The following BUD13 variants were observed in gnomAD, a reference collection of about 807,000 sequenced individuals.
BUD13 encodes the protein BUD13 homolog.
In BUD13, 47 loss-of-function variants were observed where a neutral mutation model predicts 62.5. That is an observed-to-expected ratio of 0.75 (90% CI 0.60 to 0.96). The LOEUF is 0.96. BUD13 is among the 40% of genes least tolerant of loss of function. The pLI, the probability that BUD13 is intolerant of heterozygous loss-of-function variation, is 0.00. For synonymous variants in BUD13, 293 were observed against 280.1 expected, an observed-to-expected ratio of 1.05 and a Z score of -0.46; for missense variants, 821 against 790.9, an observed-to-expected ratio of 1.04 and a Z score of -0.46.
rs376363328 is a variant in BUD13, at chr11:116,765,392, G to A, written c.292C>T (p.Arg98Cys). Residue 98 changes from arginine to cysteine, a missense_variant, in exon 3 of 10, where the codon CGT (arginine) becomes TGT (cysteine). Arg to Cys is a radical substitution (Grantham distance 180). Transcript: ENST00000260210. ...PEEVKQMEAF[R>C]SSAKWKLLGG... ...AGAAGCTTCCATTTGGCACTGGAACGAAAGGCCTCCATCTGCTTTACCTCT... is the reference window on the plus strand; with the variant it reads ...AGAAGCTTCCATTTGGCACTGGAACAAAAGGCCTCCATCTGCTTTACCTCT... 47 of 1,613,956 alleles carry A rather than the reference G, an allele frequency of 2.9e-5. No individual in the cohort carries two copies. The East Asian group carries it at 3.3e-4, about 11-fold the overall frequency.
chr11:116,755,025 A>G (rs1025872213), intron 9 of BUD13, among the ~76,000 whole-genome samples: 2 of 152,350 alleles, frequency 1.3e-5, no homozygotes, highest in East Asian at 1.9e-4. Context: ...AAAAGCTGCC[A>G]ATATAGAAAC....
rs1461314092 is a variant in BUD13, at chr11:116,767,585, T to A, written c.238-2139A>T. ...TCCAGCCTGGGCAACAGAGTGAGAC[T>A]CCACCAAAAAAAAAAAAAAAAAAAA... On this transcript the variant is annotated intron_variant, in intron 2 of 9. Coordinates refer to ENST00000260210, the MANE Select transcript of BUD13 (RefSeq NM_032725.4). Among the ~76,000 whole-genome samples, 8 of 72,122 alleles carry A rather than the reference T, an allele frequency of 1.1e-4. No homozygotes were observed. In the East Asian group the frequency reaches 1.6e-3, roughly 15 times the overall value. The allele number at this position is 72,122 out of a possible 152,430, so 47.3% of individuals were successfully genotyped here.
intron 1 of BUD13, 57 bp downstream of exon 1, chr11:116,772,765 G>C: frequency 2.1e-6 from 3 of 1,453,198 alleles, no homozygotes; most frequent in Non-Finnish European, 2.7e-6. Flanking sequence ...GCCGAGGGCG[G>C]AGTTGGGAAG....
chr11:116,750,975 T>C (rs1219862564), intron 9 of BUD13, among the ~76,000 whole-genome samples: 1 of 152,206 alleles, frequency 6.6e-6, no homozygotes, highest in African/African-American at 2.4e-5. Context: ...TAGGACCCTC[T>C]TCCTTTAATA....
rs115042986 is a variant in BUD13 at position 116,771,570 on chromosome 11, G to A, written c.143+1252C>T. On this transcript the variant is annotated intron_variant, in intron 1 of 9. Transcript: ENST00000260210. ...TTAAAGATAAGGAAACTGCAGCTCA[G>A]TGAGATGAAACACCTTGCCCAAGGG... 3.7e-3 allele frequency among the ~76,000 whole-genome samples: 571 copies of A among 152,300 alleles called. 2 individuals are homozygous for A. The highest frequency in any genetic ancestry group is 0.013 in the African/African-American group (553 of 41,564).
Position 116,757,174 on chromosome 11 carries a change from G to A in BUD13, c.1738C>T (p.Pro580Ser). 1 of 1,614,146 alleles carries A rather than the reference G, an allele frequency of 6.2e-7. No individual in the cohort carries two copies. Among genetic ancestry groups the A allele is most frequent in the Non-Finnish European group, 8.5e-7 (1 of 1,179,998 alleles). Residue 580 changes from proline (P) to serine (S), a missense_variant, in exon 9 of 10, where the codon CCT becomes TCT. This residue lies in a region of BUD13 where 800 missense variants were observed against 739.2 expected (regional missense o/e 1.08). Coordinates refer to ENST00000260210, the MANE Select transcript of BUD13 (RefSeq NM_032725.4). ...APPPNRFNIWPGYRWDGVDRS... is the reference protein window; with the variant it reads ...APPPNRFNIWSGYRWDGVDRS... ...TCCACTCCGTCCCAGCGATATCCAG[G>A]CCAGATATTAAATCTGTTGGGAGGA... is the stretch of plus-strand genomic sequence containing the variant.
chr11:116,762,712 T>C lies in BUD13; in HGVS notation c.877A>G (p.Arg293Gly), dbSNP rs1389749849. The change falls in exon 4 of 10, where the codon AGA (arginine) becomes GGA (glycine). Residue 293 changes from arginine to glycine, a missense_variant. Arg to Gly is a moderately radical substitution (Grantham distance 125). Coordinates refer to ENST00000260210, the MANE Select transcript of BUD13 (RefSeq NM_032725.4). ...PRTKSGKAPERASSKTSPHWK... is the reference protein window; with the variant it reads ...PRTKSGKAPEGASSKTSPHWK... ...TGTGGAGAAGTCTTGCTAGAGGCTC[T>C]TTCTGGGGCTTTACCACTTTTGGTT... is the stretch of plus-strand genomic sequence containing the variant. 2 of 1,614,214 alleles carry C rather than the reference T, an allele frequency of 1.2e-6. No homozygotes were observed.
At chr11:116,758,171 C>A in intron 7 of BUD13, 98 bp downstream of exon 7, 2 of 1,539,686 alleles carry the variant, frequency 1.3e-6, no homozygotes, top group Admixed American at 1.9e-5. Context: ...CTGATAACAG[C>A]TCTGAAGGCA....
chr11:116,757,551 C>G (rs1380696731), intron 8 of BUD13, among the ~76,000 whole-genome samples: 1 of 151,892 alleles, frequency 6.6e-6, no homozygotes, highest in East Asian at 1.9e-4. Context: ...CCACCCACCT[C>G]GGCCTCCCGA....
At position 116,748,469 on chromosome 11, in the gene BUD13, A is replaced by T. The variant is rs1390288985; in HGVS notation, c.*13T>A. On this transcript the variant is annotated 3_prime_UTR_variant, in exon 10 of 10. Coordinates refer to ENST00000260210, the MANE Select transcript of BUD13 (RefSeq NM_032725.4). ...ACTACCACAGCCCAGCCACCCCCACAGCCTCAGGAAAGTTACATATCCTCA... is the reference window on the plus strand; with the variant it reads ...ACTACCACAGCCCAGCCACCCCCACTGCCTCAGGAAAGTTACATATCCTCA... 2 of 1,613,398 alleles carry T rather than the reference A, an allele frequency of 1.2e-6. No individual in the cohort carries two copies. Among genetic ancestry groups the T allele is most frequent in the African/African-American group, 2.7e-5 (2 of 74,924 alleles).
At chr11:116,748,725 C>T (rs866632317) in intron 9 of BUD13, 150 bp from the exon 10 acceptor site, 21 of 789,796 alleles carry the variant, frequency 2.7e-5, no homozygotes, top group Middle Eastern at 2.3e-4. Flanking sequence ...CGGCGGCTCA[C>T]GCCTGTAATC....
chr11:116,759,623 A>G (rs188393897), intron 5 of BUD13, among the ~76,000 whole-genome samples: 53 of 152,350 alleles, frequency 3.5e-4, no homozygotes, highest in African/African-American at 1.1e-3. Flanking sequence ...CTAACAAATG[A>G]AAACTTTTTG....
Position 116,757,826 on chromosome 11 carries a change from CCT to C in BUD13, c.1622_1623del (p.Glu541GlyfsTer12), listed in dbSNP as rs1366628886. ...LDRMLREQER[E>X]GDPMANFIKK... ...TTGATGAAGTTGGCCATAGGGTCCC[CCT>C]CTCTTTCCTGTTCTCTTAGCATCCT... On this transcript the variant is annotated frameshift_variant, in exon 8 of 10. Coordinates refer to ENST00000260210, the MANE Select transcript of BUD13 (RefSeq NM_032725.4). LOFTEE classifies it high-confidence loss of function. 2 of 1,614,146 alleles carry C rather than the reference CCT, an allele frequency of 1.2e-6. No individual in the cohort carries two copies. The highest frequency in any genetic ancestry group is 1.3e-5 in the African/African-American group (1 of 75,032).
chr11:116,752,685 T>G (rs1188090735), intron 9 of BUD13, among the ~76,000 whole-genome samples: 1 of 152,234 alleles, frequency 6.6e-6, no homozygotes, highest in Non-Finnish European at 1.5e-5. Context: ...TACAGTGAAC[T>G]GCAAACGGAA....
Position 116,760,900 on chromosome 11 carries a change from T to C in BUD13, c.1089A>G (p.Gln363=), listed in dbSNP as rs753184596. The C allele has an allele frequency of 3.3e-5, 54 of 1,613,982 alleles. No individual in the cohort carries two copies. Among genetic ancestry groups the C allele is most frequent in the Non-Finnish European group, 4.2e-5 (50 of 1,180,010 alleles). Residue 363 remains glutamine (Q), a synonymous_variant, in exon 5 of 10, where the codon CAA becomes CAG. Transcript: ENST00000260210. The part of the protein sequence containing the change: ...DSDLSSPRHK[Q]SPGHQDSDSD... Reference sequence around the variant, plus strand: ...AATCAGAATCCTGGTGCCCTGGACTTTGTTTATGCCGTGGAGAAGAAAGGT... The same window carrying C: ...AATCAGAATCCTGGTGCCCTGGACTCTGTTTATGCCGTGGAGAAGAAAGGT...
At chr11:116,757,707 C>T in intron 8 of BUD13, 59 bp downstream of exon 8, 1 of 1,504,632 alleles carries the variant, frequency 6.6e-7, no homozygotes, top group East Asian at 2.3e-5. Flanking sequence ...TATGTATCAG[C>T]ATCCTAATGA....
Position 116,748,456 on chromosome 11 carries a change from C to T in BUD13, c.*26G>A. The T allele has an allele frequency of 6.2e-7, 1 of 1,608,194 alleles. No homozygotes were observed. The highest frequency in any genetic ancestry group is 2.2e-5 in the East Asian group (1 of 44,852). On this transcript the variant is annotated 3_prime_UTR_variant, in exon 10 of 10. Coordinates refer to ENST00000260210, the MANE Select transcript of BUD13 (RefSeq NM_032725.4). ...GCTGCCTATGCCCACTACCACAGCC[C>T]AGCCACCCCCACAGCCTCAGGAAAG...
intron 2 of BUD13, among the ~76,000 whole-genome samples, chr11:116,767,208 A>C (rs930299752): frequency 6.6e-6 from 1 of 151,808 alleles, no homozygotes; most frequent in East Asian, 1.9e-4. Context: ...AATAATAAAA[A>C]CAATTATGAA....
chr11:116,763,258 C>T lies in BUD13; in HGVS notation c.331G>A (p.Glu111Lys), dbSNP rs141852086. 3.2e-4 allele frequency: 491 copies of T among 1,533,628 alleles called. No individual in the cohort carries two copies. Among genetic ancestry groups the T allele is most frequent in the Admixed American group, 2.7e-4 (13 of 48,116 alleles). The stretch of plus-strand genomic sequence containing the variant: ...AAATGTCTGTTTGAGGGTAGGTCTT[C>T]GTTGTGGCCTAAACACAAATAACAA... ...AKWKLLGGHN[E>K]DLPSNRHFRH... is the part of the protein sequence containing the mutation. Residue 111 changes from glutamate (E) to lysine (K), a missense_variant, in exon 4 of 10, where the codon GAA (glutamate) becomes AAA (lysine). This residue lies in a region of BUD13 where 800 missense variants were observed against 739.2 expected (regional missense o/e 1.08). Transcript: ENST00000260210.
Sources: gnomAD v4.1 joint callset for allele counts (sites outside exome capture counted in the v4.1 genomes callset) on GRCh38, gnomAD v4.1.1 for gene constraint, gnomAD v4.1.1 regional missense constraint, MANE v1.5 for transcripts, NCBI Gene and HGNC (gene_info 2026-07-23, HGNC 2026-07-21) for gene names.